ZNF618: variants seen among roughly 807,000 people sequenced by gnomAD.
ZNF618 encodes the protein neural precursor cell expressed, developmentally down-regulated 10.
In ZNF618, 34 loss-of-function variants were observed where a neutral mutation model predicts 103.0. The ratio of observed to expected loss-of-function variants is 0.33; its 90% CI spans 0.25 to 0.44. ZNF618 has a LOEUF of 0.44. Ranked by LOEUF, ZNF618 falls within the 20% of genes least tolerant of loss-of-function variation. The probability of loss-of-function intolerance (pLI) is 1.00; values close to 1 mark genes in which losing one functional copy is unlikely to be tolerated. For synonymous variants in ZNF618, 551 were observed against 542.2 expected, an observed-to-expected ratio of 1.02 and a Z score of -0.23; for missense variants, 1,059 against 1,295.4, an observed-to-expected ratio of 0.82 and a Z score of 2.80.
chr9:114,036,473 G>T (rs563250684), intron 13 of ZNF618, 96 bp downstream of exon 13: 1 of 1,282,572 alleles, frequency 7.8e-7, no homozygotes, highest in Non-Finnish European at 1.1e-6. Flanking sequence ...GGAGAAGGCC[G>T]CTCTTTCCTG....
At chr9:114,001,006 A>G (rs2133622646) in intron 4 of ZNF618, among the ~76,000 whole-genome samples, 1 of 151,178 alleles carries the variant, frequency 6.6e-6, no homozygotes, top group Middle Eastern at 3.5e-3. Flanking sequence ...GCATTTGTCC[A>G]CGCTCCCTGG....
intron 13 of ZNF618, among the ~76,000 whole-genome samples, chr9:114,046,954 G>T: frequency 6.6e-6 from 1 of 152,180 alleles, no homozygotes; most frequent in Non-Finnish European, 1.5e-5. Context: ...CAATTAGGCA[G>T]CCAGGTTCAT....
At chr9:113,936,083 T>G (rs1344853624) in intron 1 of ZNF618, among the ~76,000 whole-genome samples, 1 of 152,112 alleles carries the variant, frequency 6.6e-6, no homozygotes, top group Non-Finnish European at 1.5e-5. Flanking sequence ...GCCTCCCAAG[T>G]CACTGGGATT....
intron 10 of ZNF618, among the ~76,000 whole-genome samples, chr9:114,019,257 T>C (rs1030529458): frequency 1.3e-5 from 2 of 152,230 alleles, no homozygotes; most frequent in Non-Finnish European, 2.9e-5. Context: ...CCTGTTAATT[T>C]GGGTTGTTTC....
intron 2 of ZNF618, among the ~76,000 whole-genome samples, chr9:113,978,602 G>A (rs1838699566): frequency 6.6e-6 from 1 of 152,196 alleles, no homozygotes. Context: ...TGTGTCTTGG[G>A]ACTTCTGGCA....
chr9:113,999,342 T>C (rs1417531018), intron 4 of ZNF618, among the ~76,000 whole-genome samples: 29 of 125,100 alleles, frequency 2.3e-4, no homozygotes, highest in East Asian at 1.6e-3. Context: ...GAGGGGCAGG[T>C]GGGGCCCTGG....
intron 4 of ZNF618, among the ~76,000 whole-genome samples, chr9:113,999,181 C>T (rs1000876379): frequency 1.9e-4 from 29 of 152,306 alleles, no homozygotes; most frequent in African/African-American, 6.3e-4. Context: ...AGCCCAGAGT[C>T]GGGCTGAGCG....
intron 1 of ZNF618, among the ~76,000 whole-genome samples, chr9:113,917,235 C>CTTTTTTTTTT (rs56300784): frequency 1.8e-4 from 13 of 74,244 alleles, no homozygotes; most frequent in South Asian, 5.8e-4. Context: ...TCTCTCTATC[C>CTTTTTTTTTT]TTTTTTTTTT....
At chr9:113,943,084 A>AG (rs1834691540) in intron 1 of ZNF618, among the ~76,000 whole-genome samples, 1 of 152,150 alleles carries the variant, frequency 6.6e-6, no homozygotes, top group African/African-American at 2.4e-5. Flanking sequence ...GAGATAGGGT[A>AG]GGGGTGTGAT....
In ZNF618 at chr9:114,002,674, T is replaced by C; in HGVS notation, c.550+12T>C. On this transcript the variant is annotated intron_variant, in intron 6 of 14. Transcript: ENST00000374126. ...AGCCTCCCAAAGCAGTGAGTACTTTTTCCTCCTCGTGGGCTGCTGAGGGGC... is the reference window on the plus strand; with the variant it reads ...AGCCTCCCAAAGCAGTGAGTACTTTCTCCTCCTCGTGGGCTGCTGAGGGGC... 3 of 1,610,854 alleles carry C rather than the reference T, an allele frequency of 1.9e-6. No homozygotes were observed. The South Asian group carries it at 3.3e-5, about 18-fold the overall frequency.
In ZNF618 at chr9:113,880,662, G is replaced by A. The variant is rs577806449; in HGVS notation, c.33+4249G>A. Among the ~76,000 whole-genome samples, 23 of 151,714 alleles carry A rather than the reference G, an allele frequency of 1.5e-4. 1 individual carries two copies. In the South Asian group the frequency reaches 3.5e-3, roughly 23 times the overall value. On this transcript the variant is annotated intron_variant, in intron 1 of 14. Transcript: ENST00000374126. ...CACAATCAGAATTTTTTAAAAACAA[G>A]AATAGACTAGAATATAGGGGAACAA...
chr9:113,975,803 G>A (rs547786143), intron 2 of ZNF618, among the ~76,000 whole-genome samples: 20 of 152,306 alleles, frequency 1.3e-4, no homozygotes, highest in Admixed American at 9.1e-4. Context: ...AATTATTTGA[G>A]AACGGGGTAT....
intron 3 of ZNF618, among the ~76,000 whole-genome samples, chr9:113,996,685 C>T (rs186467541): frequency 9.2e-5 from 14 of 152,258 alleles, no homozygotes; most frequent in Admixed American, 2.6e-4. Flanking sequence ...AGGAAAAGTC[C>T]GCTCCTGCCT....
In ZNF618 at chr9:113,911,754, C is replaced by T. The variant is rs142454378; in HGVS notation, c.33+35341C>T. ...TTGCAAGCCTTGAGGGTTTTGACTGCGGGTATTCCATGAGGTGGCTGTACC... is the reference window on the plus strand; with the variant it reads ...TTGCAAGCCTTGAGGGTTTTGACTGTGGGTATTCCATGAGGTGGCTGTACC... On this transcript the variant is annotated intron_variant, in intron 1 of 14. Transcript: ENST00000374126. Among the ~76,000 whole-genome samples the T allele has an allele frequency of 2.8e-4, 43 of 152,220 alleles. 1 individual carries two copies. The East Asian group carries it at 7.3e-3, about 26-fold the overall frequency.
chr9:113,943,149 C>A (rs1419247252), intron 1 of ZNF618, among the ~76,000 whole-genome samples: 1 of 152,194 alleles, frequency 6.6e-6, no homozygotes, highest in Non-Finnish European at 1.5e-5. Context: ...TGTTTTTGAG[C>A]ATCTTTTTTC....
chr9:113,955,674 TTAA>T (rs1836215489), intron 1 of ZNF618, among the ~76,000 whole-genome samples: 1 of 148,346 alleles, frequency 6.7e-6, no homozygotes, highest in South Asian at 2.1e-4. Context: ...TTTTCTCTCT[TTAA>T]AAAAAAAAGT....
intron 1 of ZNF618, among the ~76,000 whole-genome samples, chr9:113,945,552 TG>T (rs1834943053): frequency 6.6e-6 from 1 of 152,338 alleles, no homozygotes; most frequent in East Asian, 1.9e-4. Flanking sequence ...AAGTATGGGA[TG>T]AATGACACAG....
At chr9:113,898,151 C>T (rs1262677935) in intron 1 of ZNF618, among the ~76,000 whole-genome samples, 1 of 152,150 alleles carries the variant, frequency 6.6e-6, no homozygotes, top group Non-Finnish European at 1.5e-5. Context: ...TAGAGCTTCT[C>T]TTTCTGTTTC....
chr9:114,049,067 C>T lies in ZNF618; in HGVS notation c.1765C>T (p.Arg589Cys), dbSNP rs747248006. ...GCTTGGTGTGAAGGGTGCGGACATTCGCGACAGCGGTGACCTTGTGCACCA... is the reference window on the plus strand; with the variant it reads ...GCTTGGTGTGAAGGGTGCGGACATTTGCGACAGCGGTGACCTTGTGCACCA... ...YVLGVKGADI[R>C]DSGDLVHHWV... Residue 589 changes from arginine (R) to cysteine (C), a missense_variant, in exon 15 of 15, where the codon CGC becomes TGC. By Grantham distance (180) the Arg-to-Cys change is radical. This residue lies in a region of ZNF618 where 272 missense variants were observed against 380.1 expected (regional missense o/e 0.72). Coordinates refer to ENST00000374126, the MANE Select transcript of ZNF618 (RefSeq NM_001318042.2). 4.2e-5 allele frequency: 68 copies of T among 1,613,774 alleles called. No individual in the cohort carries two copies. Among genetic ancestry groups the T allele is most frequent in the East Asian group, 2.5e-4 (11 of 44,892 alleles).
Sources: allele counts gnomAD v4.1 joint callset (sites outside exome capture counted in the v4.1 genomes callset), GRCh38; gene constraint gnomAD v4.1.1; regional missense constraint gnomAD v4.1.1; transcripts MANE v1.5; gene names NCBI Gene and HGNC (gene_info 2026-07-23, HGNC 2026-07-21).